Variants in COL6A3 observed in about 807,000 individuals in gnomAD.
COL6A3 encodes collagen type VI alpha 3 chain, also known as collagen alpha-3(VI) chain.
A neutral mutation model predicts 274.1 loss-of-function variants in COL6A3; 137 were observed. The ratio of observed to expected loss-of-function variants is 0.50; its 90% CI spans 0.44 to 0.58. COL6A3 has a LOEUF of 0.58. Among genes scored for constraint, COL6A3 ranks in the 20% least tolerant of loss-of-function variants. The pLI, the probability that COL6A3 is intolerant of heterozygous loss-of-function variation, is 0.00. For synonymous variants in COL6A3, 1,650 were observed against 1,650.6 expected (o/e 1.00, Z 0.01); for missense variants, 3,950 against 4,124.9 (o/e 0.96, Z 1.16).
rs371958092 is a variant in COL6A3, at chr2:237,394,951, G to T, written c.345C>A (p.Thr115=). 5.0e-6 allele frequency: 8 copies of T among 1,613,898 alleles called. No homozygotes were observed. The highest frequency in any genetic ancestry group is 2.2e-5 in the East Asian group (1 of 44,880). The change falls in exon 3 of 44, where the codon ACC becomes ACA. Residue 115 remains threonine, a synonymous_variant. Coordinates refer to ENST00000295550, the MANE Select transcript of COL6A3 (RefSeq NM_004369.4). ...ATTCTAATCCTTTTCCAGTCTGATT[G>T]GTTCCCCCAATATAAGACATGTTGG... is the stretch of plus-strand genomic sequence containing the variant. The part of the protein sequence containing the change: ...HISNMSYIGG[T]NQTGKGLEYI...
chr2:237,381,178 GC>G lies in COL6A3; in HGVS notation c.1633del (p.Ala545LeufsTer11). ...NLFTSSAGYR[A>X]AEGIPKLLVL... ...CAAAAGCTTAGGAATCCCCTCGGCA[GC>G]CCGGTAGCCGGCTGAACTCGTGAAT... On this transcript the variant is annotated frameshift_variant, in exon 5 of 44. Transcript: ENST00000295550. LOFTEE classifies it high-confidence loss of function. 1.2e-6 allele frequency: 2 copies of G among 1,614,258 alleles called. No individual in the cohort carries two copies. Among genetic ancestry groups the G allele is most frequent in the Non-Finnish European group, 1.7e-6 (2 of 1,180,050 alleles).
chr2:237,376,689 T>C, intron 7 of COL6A3, 83 bp downstream of exon 7: 1 of 1,382,342 alleles, frequency 7.2e-7, no homozygotes, highest in Non-Finnish European at 1.0e-6. Flanking sequence ...GGCTTCTATC[T>C]AAGGACCAGT....
chr2:237,369,990 C>T (rs1375783509), intron 9 of COL6A3, among the ~76,000 whole-genome samples: 1 of 151,708 alleles, frequency 6.6e-6, no homozygotes, highest in Non-Finnish European at 1.5e-5. Flanking sequence ...ACATGAACCA[C>T]CATGCCTGTG....
intron 3 of COL6A3, among the ~76,000 whole-genome samples, chr2:237,393,773 G>A (rs2078352235): frequency 6.6e-6 from 1 of 152,230 alleles, no homozygotes; most frequent in Middle Eastern, 3.2e-3. Flanking sequence ...TAGGCACTTA[G>A]CCCTGGAAGG....
chr2:237,378,599 G>A (rs890656594), intron 6 of COL6A3, 37 bp downstream of exon 6: 1 of 1,611,974 alleles, frequency 6.2e-7, no homozygotes, highest in African/African-American at 1.3e-5. Flanking sequence ...GGTGTCTGAG[G>A]AAGGAGAGGG....
chr2:237,360,306 G>T, intron 16 of COL6A3, 147 bp from the exon 17 acceptor site: 2 of 795,154 alleles, frequency 2.5e-6, no homozygotes, highest in Non-Finnish European at 4.2e-6. Context: ...GGCTACGTGA[G>T]CCAGGGAGCC....
chr2:237,340,681 G>A lies in COL6A3; in HGVS notation c.8235C>T (p.Gly2745=), dbSNP rs534728020. 74 of 1,614,168 alleles carry A rather than the reference G, an allele frequency of 4.6e-5. 1 individual carries two copies. In the South Asian group the frequency reaches 6.9e-4, roughly 15 times the overall value. The change falls in exon 38 of 44, where the codon GGC becomes GGT. Residue 2745 remains glycine, a synonymous_variant. Coordinates refer to ENST00000295550, the MANE Select transcript of COL6A3 (RefSeq NM_004369.4). ...DLKIVVLMLT[G]EVPEQQLEEA... ...CCTCCAGCTGCTGCTCCGGCACCTC[G>A]CCCGTCAGCATCAGGACCACAATTT...
rs375088546 is a variant in COL6A3, at chr2:237,342,521, G to A, written c.7669-360C>T. The A allele has an allele frequency of 1.1e-4, 28 of 265,182 alleles. No homozygotes were observed. In the East Asian group the frequency reaches 1.1e-3, roughly 10 times the overall value. The allele number at this position is 265,182 out of a possible 1,614,324, so 16.4% of individuals were successfully genotyped here. A position where few individuals can be genotyped will look rare whatever the true frequency, so the allele number is the denominator to read the frequency against. ...CAAATAGTAGGAACTTAATCTTATC[G>A]TTATTTTTAGCAACAATATGGGAGC... On this transcript the variant is annotated intron_variant, in intron 36 of 43. Coordinates refer to ENST00000295550, the MANE Select transcript of COL6A3 (RefSeq NM_004369.4).
Position 237,358,571 on chromosome 2 carries a change from G to A in COL6A3, c.6421C>T (p.Pro2141Ser), listed in dbSNP as rs985358749. The A allele has an allele frequency of 6.2e-7, 1 of 1,613,636 alleles. No homozygotes were observed. Among genetic ancestry groups the A allele is most frequent in the African/African-American group, 1.3e-5 (1 of 74,850 alleles). The change falls in exon 21 of 44, where the codon CCT becomes TCT. Residue 2141 changes from proline to serine, a missense_variant. Physicochemically the swap from Pro to Ser is moderately conservative, Grantham distance 74. This residue lies in a region of COL6A3 where 1,284 missense variants were observed against 1,349.7 expected (regional missense o/e 0.95). Transcript: ENST00000295550. ...GNPGRRGDKGPRGEKGERGDV... is the reference protein window; with the variant it reads ...GNPGRRGDKGSRGEKGERGDV... Reference sequence around the variant, plus strand: ...CCTCTTTCTCCTTTCTCTCCTCGAGGTCCTTTATCACCCTAAAGAAAAAGC... The same window carrying A: ...CCTCTTTCTCCTTTCTCTCCTCGAGATCCTTTATCACCCTAAAGAAAAAGC...
chr2:237,364,402 T>G lies in COL6A3; in HGVS notation c.5865A>C (p.Ala1955=). ...TGTGTAAATCAGCCAGATCTCCGTC[T>G]GCTCCATCAGTAAAATGAATGACCA... ...VKVVIHFTDG[A]DGDLADLHRA... is the part of the protein sequence containing the mutation. The change falls in exon 13 of 44, where the codon GCA becomes GCC. Residue 1955 remains alanine, a synonymous_variant. Transcript: ENST00000295550. The surrounding 1 kb of genome is among the most constrained non-coding windows in gnomAD (Gnocchi z 4.6). 1.9e-6 allele frequency: 3 copies of G among 1,614,084 alleles called. No individual in the cohort carries two copies. The highest frequency in any genetic ancestry group is 2.5e-6 in the Non-Finnish European group (3 of 1,179,968).
rs1254224443 is a variant in COL6A3 at position 237,374,987 on chromosome 2, T to C, written c.3104A>G (p.Asp1035Gly). The change falls in exon 8 of 44, where the codon GAT (aspartate) becomes GGT (glycine). Residue 1035 changes from aspartate (D) to glycine (G), a missense_variant. Physicochemically the swap from Asp to Gly is moderately conservative, Grantham distance 94 (BLOSUM62 -1). Transcript: ENST00000295550. This position sits in a 1 kb window ranked among gnomAD's most constrained non-coding sequence, Gnocchi z 4.8. ...SGEKDVVFLL[D>G]GSEGVRSGFP... ...GCCGCTCCTGACGCCCTCAGAGCCATCAAGCAGAAACACCACGTCCTTTTC... is the reference window on the plus strand; with the variant it reads ...GCCGCTCCTGACGCCCTCAGAGCCACCAAGCAGAAACACCACGTCCTTTTC... 1.9e-6 allele frequency: 3 copies of C among 1,613,910 alleles called. No homozygotes were observed. The East Asian group carries it at 6.7e-5, about 36-fold the overall frequency.
intron 21 of COL6A3, 123 bp from the exon 22 acceptor site, chr2:237,358,005 C>T (rs573785053): frequency 2.6e-4 from 231 of 886,064 alleles, no homozygotes; most frequent in South Asian, 8.2e-4. Context: ...ACAAGCCCTT[C>T]GGCCACAACC....
intron 3 of COL6A3, among the ~76,000 whole-genome samples, chr2:237,393,260 G>C (rs2078338980): frequency 6.6e-6 from 1 of 152,182 alleles, no homozygotes; most frequent in Non-Finnish European, 1.5e-5. Flanking sequence ...GACACCCACT[G>C]ACTTGTAATC....
At chr2:237,362,186 AAAG>A (rs2077452264) in intron 14 of COL6A3, among the ~76,000 whole-genome samples, 1 of 152,222 alleles carries the variant, frequency 6.6e-6, no homozygotes, top group Non-Finnish European at 1.5e-5. Flanking sequence ...TCCAAAGTGC[AAAG>A]CCAAGCAAAT....
chr2:237,405,574 C>G (rs2078699617), intron 1 of COL6A3, among the ~76,000 whole-genome samples: 2 of 152,068 alleles, frequency 1.3e-5, no homozygotes, highest in African/African-American at 4.8e-5. Flanking sequence ...GGTGGGATTT[C>G]ACGCCCTCCT....
Position 237,378,764 on chromosome 2 carries a change from G to A in COL6A3, c.2369C>T (p.Ala790Val). ...GAGATACACCAGGCTTGGGTTAAAAGCAATCTGCTCAAGCTCTGCCTTATT... is the reference window on the plus strand; with the variant it reads ...GAGATACACCAGGCTTGGGTTAAAAACAATCTGCTCAAGCTCTGCCTTATT... The part of the protein sequence containing the change: ...QANKAELEQI[A>V]FNPSLVYLMD... The change falls in exon 6 of 44, where the codon GCT becomes GTT. Residue 790 changes from alanine (A) to valine (V), a missense_variant. By Grantham distance (64) the Ala-to-Val change is moderately conservative (BLOSUM62 0). Coordinates refer to ENST00000295550, the MANE Select transcript of COL6A3 (RefSeq NM_004369.4). The A allele has an allele frequency of 6.2e-7, 1 of 1,614,208 alleles. No individual in the cohort carries two copies. Among genetic ancestry groups the A allele is most frequent in the Non-Finnish European group, 8.5e-7 (1 of 1,180,046 alleles).
At chr2:237,405,591 C>T (rs1200898196) in intron 1 of COL6A3, among the ~76,000 whole-genome samples, 1 of 152,100 alleles carries the variant, frequency 6.6e-6, no homozygotes, top group Non-Finnish European at 1.5e-5. Flanking sequence ...TCCTCCCAAC[C>T]ATCCGATGGC....
In COL6A3 at chr2:237,367,073, G is replaced by A; in HGVS notation, c.5114C>T (p.Ala1705Val). 1 of 1,614,224 alleles carries A rather than the reference G, an allele frequency of 6.2e-7. No individual in the cohort carries two copies. The highest frequency in any genetic ancestry group is 8.5e-7 in the Non-Finnish European group (1 of 1,180,044). Residue 1705 changes from alanine (A) to valine (V), a missense_variant, in exon 11 of 44, where the codon GCC becomes GTC. Coordinates refer to ENST00000295550, the MANE Select transcript of COL6A3 (RefSeq NM_004369.4). ...CCCTTTGTAGACCACTTTGTTGATG[G>A]CGTCAATAATCTGCCTCTTGGTAGA... ...DFSTKRQIID[A>V]INKVVYKGGR...
chr2:237,346,322 G>C (rs1343547198), intron 32 of COL6A3, among the ~76,000 whole-genome samples, 181 bp downstream of exon 32: 3 of 152,134 alleles, frequency 2.0e-5, no homozygotes, highest in Non-Finnish European at 4.4e-5. Context: ...AAAGTTTCTT[G>C]TTACTCTAAA....
Sources: allele counts gnomAD v4.1 joint callset (sites outside exome capture counted in the v4.1 genomes callset), GRCh38; gene constraint gnomAD v4.1.1; regional missense constraint gnomAD v4.1.1; non-coding constraint Gnocchi (gnomAD v3.1); transcripts MANE v1.5; gene names NCBI Gene and HGNC (gene_info 2026-07-23, HGNC 2026-07-21).